SDK1: variants seen among roughly 807,000 people sequenced by gnomAD.
The protein encoded by SDK1 is sidekick cell adhesion molecule 1, also known as protein sidekick-1.
In SDK1, 157 loss-of-function variants were observed where a neutral mutation model predicts 245.5. The ratio of observed to expected loss-of-function variants is 0.64; its 90% CI spans 0.56 to 0.73. SDK1 has a LOEUF of 0.73. Among genes scored for constraint, SDK1 ranks in the 30% least tolerant of loss-of-function variants. The pLI is 0.00. For synonymous variants in SDK1, 1,647 were observed against 1,278.5 expected, an observed-to-expected ratio of 1.29 and a Z score of -6.15; for missense variants, 3,583 against 3,002.3, an observed-to-expected ratio of 1.19 and a Z score of -4.52.
chr7:4,086,975 C>A (rs1021733375), intron 22 of SDK1, among the ~76,000 whole-genome samples: 1 of 149,544 alleles, frequency 6.7e-6, no homozygotes, highest in Admixed American at 6.7e-5. Context: ...CCCTCTTCTG[C>A]AGATGGTAAC....
chr7:4,224,626 A>G (rs1020310261), intron 40 of SDK1, among the ~76,000 whole-genome samples: 8 of 152,046 alleles, frequency 5.3e-5, no homozygotes, highest in Admixed American at 2.6e-4. Flanking sequence ...TTCCTTTTCA[A>G]TTTTAGTTTA....
Position 3,301,718 on chromosome 7 carries a change from C to A in SDK1, c.132C>A (p.Pro44=), listed in dbSNP as rs1427926943. Reference sequence around the variant, plus strand: ...CCCGCCCCTCGCTGGCGCCGCGCCCCGGCCCGGAGCCCTCGCGACCCCGGG... The same window carrying A: ...CCCGCCCCTCGCTGGCGCCGCGCCCAGGCCCGGAGCCCTCGCGACCCCGGG... ...GRARPSLAPR[P]GPEPSRPRAA... Residue 44 remains proline, a synonymous_variant, in exon 1 of 45, where the codon CCC becomes CCA. Coordinates refer to ENST00000404826, the MANE Select transcript of SDK1 (RefSeq NM_152744.4). The A allele has an allele frequency of 7.2e-6, 7 of 976,618 alleles. No individual in the cohort carries two copies. The African/African-American group carries it at 1.1e-4, about 15-fold the overall frequency. 60.5% of individuals were successfully genotyped at this position (976,618 alleles called of 1,614,324 possible).
intron 1 of SDK1, among the ~76,000 whole-genome samples, chr7:3,448,019 T>C (rs1780397119): frequency 6.6e-6 from 1 of 152,148 alleles, no homozygotes; most frequent in African/African-American, 2.4e-5. Context: ...ATCTTTATTC[T>C]TACACAACAA....
intron 4 of SDK1, among the ~76,000 whole-genome samples, chr7:3,652,453 A>G (rs1021752839): frequency 3.3e-5 from 5 of 152,240 alleles, no homozygotes; most frequent in African/African-American, 1.2e-4. Context: ...ATGGCCTCAC[A>G]GCTTCCACTC....
chr7:3,980,798 C>G (rs149402930), intron 13 of SDK1, among the ~76,000 whole-genome samples: 1 of 152,022 alleles, frequency 6.6e-6, no homozygotes, highest in Non-Finnish European at 1.5e-5. Flanking sequence ...AAAAATTAGC[C>G]GGGCGTGGTG....
chr7:3,410,763 T>A (rs1779180073), intron 1 of SDK1, among the ~76,000 whole-genome samples: 1 of 151,940 alleles, frequency 6.6e-6, no homozygotes. Flanking sequence ...ATTTTTGTAT[T>A]TTCAGTAGAG....
At chr7:3,658,628 T>C (rs1464282785) in intron 4 of SDK1, among the ~76,000 whole-genome samples, 3 of 148,572 alleles carry the variant, frequency 2.0e-5, no homozygotes, top group African/African-American at 7.5e-5. Flanking sequence ...TTTTTTTTTT[T>C]TGAGACAGAC....
intron 4 of SDK1, among the ~76,000 whole-genome samples, chr7:3,712,127 A>T (rs1424554280): frequency 1.3e-5 from 2 of 152,302 alleles, no homozygotes; most frequent in Middle Eastern, 3.4e-3. Flanking sequence ...GTTAGGAACC[A>T]GGCTGCACAG....
chr7:3,438,577 G>T (rs1780097123), intron 1 of SDK1, among the ~76,000 whole-genome samples: 1 of 152,182 alleles, frequency 6.6e-6, no homozygotes, highest in South Asian at 2.1e-4. Context: ...GCATGCAGGA[G>T]TTGGTCAGTA....
chr7:3,539,516 A>G (rs1458258711), intron 1 of SDK1, among the ~76,000 whole-genome samples: 2 of 152,166 alleles, frequency 1.3e-5, no homozygotes, highest in African/African-American at 4.8e-5. Context: ...CCGCCTTGAA[A>G]GTCCACTATC....
chr7:3,795,782 T>C (rs948211129), intron 4 of SDK1, among the ~76,000 whole-genome samples: 3 of 152,180 alleles, frequency 2.0e-5, no homozygotes, highest in African/African-American at 7.2e-5. Flanking sequence ...TACGATAAAG[T>C]CACAAGAATG....
Position 3,332,292 on chromosome 7 carries a change from TA to T in SDK1, c.298+30411del, listed in dbSNP as rs376603832. Among the ~76,000 whole-genome samples the T allele has an allele frequency of 2.2e-4, 34 of 152,318 alleles. 3 individuals carry two copies. The highest frequency in any genetic ancestry group is 5.5e-4 in the African/African-American group (23 of 41,568). ...GGCGTGGCTTACTTATAAGTGTGAC[TA>T]AAGTTGTGCAAATTAATCCTAGCAG... On this transcript the variant is annotated intron_variant, in intron 1 of 44. Coordinates refer to ENST00000404826, the MANE Select transcript of SDK1 (RefSeq NM_152744.4).
intron 4 of SDK1, among the ~76,000 whole-genome samples, chr7:3,741,810 A>G (rs1779482500): frequency 6.6e-6 from 1 of 152,076 alleles, no homozygotes; most frequent in South Asian, 2.1e-4. Flanking sequence ...ATAAACACAC[A>G]CATTCACACA....
chr7:3,621,265 C>G (rs1310400516), intron 2 of SDK1, among the ~76,000 whole-genome samples: 4 of 152,122 alleles, frequency 2.6e-5, no homozygotes, highest in African/African-American at 9.7e-5. Context: ...TGACTGATAA[C>G]AGAAGACTGG....
chr7:3,504,360 G>A (rs544724634), intron 1 of SDK1, among the ~76,000 whole-genome samples: 21 of 151,804 alleles, frequency 1.4e-4, no homozygotes, highest in Non-Finnish European at 2.6e-4. Flanking sequence ...TGGCCAAACA[G>A]TATTGAAAAA....
intron 4 of SDK1, among the ~76,000 whole-genome samples, chr7:3,806,634 A>G (rs1054163387): frequency 2.6e-5 from 4 of 151,468 alleles, no homozygotes; most frequent in Non-Finnish European, 5.9e-5. Flanking sequence ...GCAAACCTAA[A>G]ACGCCTGTGG....
At chr7:3,945,937 A>G (rs1277611712) in intron 5 of SDK1, among the ~76,000 whole-genome samples, 3 of 137,836 alleles carry the variant, frequency 2.2e-5, no homozygotes, top group East Asian at 2.1e-4. Flanking sequence ...AAAAAAAGAT[A>G]AAGTTTGAGG....
rs559084766 is a variant in SDK1, at chr7:3,518,856, T to G, written c.299-100224T>G. On this transcript the variant is annotated intron_variant, in intron 1 of 44. Coordinates refer to ENST00000404826, the MANE Select transcript of SDK1 (RefSeq NM_152744.4). ...GAGATACCTGCACTTCTGTGTTTAT[T>G]GTAGCACTGTTCACAATATACAAGA... 1.4e-4 allele frequency among the ~76,000 whole-genome samples: 22 copies of G among 152,244 alleles called. No homozygotes were observed. The South Asian group carries it at 4.1e-3, about 29-fold the overall frequency.
At chr7:3,746,680 TAC>T (rs772839212) in intron 4 of SDK1, among the ~76,000 whole-genome samples, 47 of 152,328 alleles carry the variant, frequency 3.1e-4, no homozygotes, top group Non-Finnish European at 4.9e-4. Flanking sequence ...CATCATTGGT[TAC>T]AGTTTATTAT....
Sources: allele counts gnomAD v4.1 joint callset (sites outside exome capture counted in the v4.1 genomes callset), GRCh38; gene constraint gnomAD v4.1.1; transcripts MANE v1.5; gene names NCBI Gene and HGNC (gene_info 2026-07-23, HGNC 2026-07-21).